SASH1: variants seen among roughly 807,000 people sequenced by gnomAD.
SASH1 encodes SAM and SH3 domain containing 1.
A neutral mutation model predicts 125.2 loss-of-function variants in SASH1; 44 were observed. The observed-to-expected ratio is 0.35, with a 90% CI of 0.28 to 0.45. The LOEUF (loss-of-function observed/expected upper bound fraction) is 0.45. SASH1 is among the 20% of genes least tolerant of loss of function. The pLI is 1.00. For synonymous variants in SASH1, 639 were observed against 649.1 expected (o/e 0.98, Z 0.24); for missense variants, 1,426 against 1,614.5 (o/e 0.88, Z 2.00).
At chr6:148,302,341 A>AAAT (rs34513109) in intron 1 of SASH1, among the ~76,000 whole-genome samples, 5,204 of 104,368 alleles carry the variant, frequency 0.05, 1,381 homozygotes, top group East Asian at 0.069. Context: ...AAAAAAAAAA[A>AAAT]CTAGTAATAT....
intron 1 of SASH1, among the ~76,000 whole-genome samples, chr6:148,348,684 T>C (rs1181369056): frequency 6.6e-6 from 1 of 152,154 alleles, no homozygotes; most frequent in African/African-American, 2.4e-5. Context: ...AAGCTGAGAG[T>C]TGGATCATGT....
At chr6:148,408,417 A>G (rs1272863481) in intron 2 of SASH1, among the ~76,000 whole-genome samples, 1 of 152,054 alleles carries the variant, frequency 6.6e-6, no homozygotes, top group Non-Finnish European at 1.5e-5. Flanking sequence ...ATCTTTTCAT[A>G]TACTTATTAG....
intron 1 of SASH1, among the ~76,000 whole-genome samples, chr6:148,336,942 C>T (rs148834391): frequency 2.2e-3 from 332 of 152,330 alleles, no homozygotes; most frequent in African/African-American, 7.6e-3. Flanking sequence ...AAACTAATTA[C>T]ATTTCGTATG....
At chr6:148,363,014 A>G (rs73601386) in intron 1 of SASH1, among the ~76,000 whole-genome samples, 8,068 of 152,242 alleles carry the variant, frequency 0.053, 739 homozygotes, top group African/African-American at 0.19. Flanking sequence ...GCAGCATAGA[A>G]GTCTTATTGG....
At chr6:148,429,888 G>A (rs1261719460) in intron 2 of SASH1, among the ~76,000 whole-genome samples, 2 of 152,206 alleles carry the variant, frequency 1.3e-5, no homozygotes, top group Non-Finnish European at 2.9e-5. Flanking sequence ...TAAGTAAATA[G>A]ATTTTGATGG....
At chr6:148,244,890 C>A in the SASH1 span, among the ~76,000 whole-genome samples, 1 of 132,216 alleles carries the variant, frequency 7.6e-6, no homozygotes, top group Non-Finnish European at 1.6e-5. Context: ...GGCCTGGGGC[C>A]TGAGGCCTGG....
intron 1 of SASH1, among the ~76,000 whole-genome samples, chr6:148,373,554 G>A (rs970204560): frequency 7.9e-5 from 12 of 152,070 alleles, no homozygotes; most frequent in African/African-American, 2.7e-4. Flanking sequence ...TAAGGTTTCT[G>A]AGCAGAGGGA....
intron 7 of SASH1, among the ~76,000 whole-genome samples, chr6:148,476,910 G>T (rs1193944802): frequency 6.6e-6 from 1 of 152,054 alleles, no homozygotes; most frequent in African/African-American, 2.4e-5. Flanking sequence ...AAATAAACCC[G>T]TGCATCTGCA....
chr6:148,465,968 C>G (rs1487634553), intron 4 of SASH1, among the ~76,000 whole-genome samples: 1 of 152,094 alleles, frequency 6.6e-6, no homozygotes, highest in Non-Finnish European at 1.5e-5. Context: ...CTGTGGCTCC[C>G]CTTCCTTCGT....
chr6:148,421,171 AAG>A (rs1175446282), intron 2 of SASH1, among the ~76,000 whole-genome samples: 1 of 139,096 alleles, frequency 7.2e-6, no homozygotes. Context: ...GAAAGAAAGA[AAG>A]AAAGAAAGAA....
At chr6:148,247,832 G>A in the SASH1 span, among the ~76,000 whole-genome samples, 3 of 152,198 alleles carry the variant, frequency 2.0e-5, no homozygotes, top group Non-Finnish European at 2.9e-5. Flanking sequence ...TTGATAAAGC[G>A]CTGCCACCCT....
chr6:148,487,108 C>CAA (rs1408157231), intron 7 of SASH1, among the ~76,000 whole-genome samples: 1 of 137,614 alleles, frequency 7.3e-6, no homozygotes, highest in Non-Finnish European at 1.5e-5. Flanking sequence ...CACACACACA[C>CAA]ACACATATAT....
chr6:148,411,166 C>CAAAAAAAAAAAAAAAAAA (rs56342457), intron 2 of SASH1, among the ~76,000 whole-genome samples: 4 of 46,182 alleles, frequency 8.7e-5, no homozygotes, highest in Non-Finnish European at 1.5e-4. Context: ...ACTCCATCTC[C>CAAAAAAAAAAAAAAAAAA]AAAAAAAAAA....
the SASH1 span, among the ~76,000 whole-genome samples, chr6:148,238,625 TACACACACACAC>T: frequency 0.041 from 6,077 of 149,462 alleles, 126 homozygotes; most frequent in South Asian, 0.058. Context: ...TACACACACA[TACACACACACAC>T]ACACACACAC....
chr6:148,342,232 A>C (rs1261343464), upstream of SASH1, among the ~76,000 whole-genome samples: 2 of 152,210 alleles, frequency 1.3e-5, no homozygotes, highest in East Asian at 3.8e-4. Flanking sequence ...CCAAGCTTTC[A>C]CACTTGTTTT....
At chr6:148,351,191 G>GT (rs67285564) in intron 1 of SASH1, among the ~76,000 whole-genome samples, 7,043 of 102,076 alleles carry the variant, frequency 0.069, 441 homozygotes, top group Admixed American at 0.093. Context: ...TGCGATAGTA[G>GT]TTTTTTTTTT....
intron 1 of SASH1, among the ~76,000 whole-genome samples, chr6:148,279,453 C>G (rs933130479): frequency 3.9e-5 from 6 of 152,160 alleles, no homozygotes; most frequent in Non-Finnish European, 5.9e-5. Context: ...TGTTCAATCA[C>G]TTGGCCAAGC....
intron 1 of SASH1, among the ~76,000 whole-genome samples, chr6:148,298,871 A>AGAAAGAAGGAAGGAAAAAAGGAAGGAAG (rs1350628821): frequency 2.8e-4 from 11 of 39,488 alleles, no homozygotes; most frequent in African/African-American, 1.2e-3. Context: ...GAGGGAGGGA[A>AGAAAGAAGGAAGGAAAAAAGGAAGGAAG]GTAAGGAGGG....
intron 7 of SASH1, among the ~76,000 whole-genome samples, chr6:148,477,820 C>T (rs537352484): frequency 1.4e-3 from 217 of 151,398 alleles, no homozygotes; most frequent in African/African-American, 4.9e-3. Context: ...GCCTCAGCCT[C>T]CCGAGAAGCT....
Sources: allele counts gnomAD v4.1 joint callset (sites outside exome capture counted in the v4.1 genomes callset), GRCh38; gene constraint gnomAD v4.1.1; transcripts MANE v1.5; gene names NCBI Gene and HGNC (gene_info 2026-07-23, HGNC 2026-07-21).